SORCS2: variants seen among roughly 807,000 people sequenced by gnomAD.
SORCS2 encodes VPS10 domain-containing receptor SorCS2.
In SORCS2, 100 loss-of-function variants were observed where a neutral mutation model predicts 141.6. The ratio of observed to expected loss-of-function variants is 0.71; its 90% CI spans 0.60 to 0.83. The LOEUF is 0.83. Among genes scored for constraint, SORCS2 ranks in the 40% least tolerant of loss-of-function variants. SORCS2 has a pLI of 0.00. For synonymous variants in SORCS2, 789 were observed against 676.9 expected, an observed-to-expected ratio of 1.17 and a Z score of -2.57; for missense variants, 1,646 against 1,560.2, an observed-to-expected ratio of 1.05 and a Z score of -0.93.
At chr4:7,229,891 C>T (rs1184316695) in intron 1 of SORCS2, among the ~76,000 whole-genome samples, 2 of 147,766 alleles carry the variant, frequency 1.4e-5, no homozygotes, top group East Asian at 2.0e-4. Context: ...GTGGTGTGCT[C>T]ATGTATGAAG....
At chr4:7,311,170 C>T (rs1402082299) in intron 1 of SORCS2, among the ~76,000 whole-genome samples, 1 of 152,144 alleles carries the variant, frequency 6.6e-6, no homozygotes, top group African/African-American at 2.4e-5. Context: ...AGAATTTCGT[C>T]TCTGCAGTAT....
At chr4:7,670,942 T>C (rs1051476713) in intron 8 of SORCS2, among the ~76,000 whole-genome samples, 7 of 152,156 alleles carry the variant, frequency 4.6e-5, no homozygotes, top group African/African-American at 1.2e-4. Context: ...CCACCATGAG[T>C]TGAAACAGCT....
intron 1 of SORCS2, among the ~76,000 whole-genome samples, chr4:7,328,018 C>CTTTTTTTT (rs60976971): frequency 3.4e-5 from 3 of 88,744 alleles, no homozygotes; most frequent in African/African-American, 8.3e-5. Flanking sequence ...TCGTGCTAGG[C>CTTTTTTTT]TTTTTTTTTT....
chr4:7,593,468 T>C (rs1013053901), intron 3 of SORCS2, among the ~76,000 whole-genome samples: 3 of 152,148 alleles, frequency 2.0e-5, no homozygotes, highest in African/African-American at 7.2e-5. Context: ...GGACTGTCCA[T>C]CTAGCAAGGG....
intron 10 of SORCS2, among the ~76,000 whole-genome samples, chr4:7,687,538 G>A (rs755917337): frequency 3.3e-5 from 5 of 152,126 alleles, no homozygotes; most frequent in African/African-American, 7.2e-5. Flanking sequence ...TGGCTCTCCA[G>A]GGGTGACACA....
Position 7,729,642 on chromosome 4 carries a change from C to T in SORCS2, c.3038C>T (p.Thr1013Ile). ...ACTGTGGTGAAGCCGGGGCTGCCCA[C>T]TTTGGCCGATCTGTACGTGCTCCTG... is the stretch of plus-strand genomic sequence containing the variant. ...LVTVVKPGLP[T>I]LADLYVLLPP... The change falls in exon 23 of 27, where the codon ACT becomes ATT. Residue 1013 changes from threonine (T) to isoleucine (I), a missense_variant. Thr to Ile is a moderately conservative substitution (Grantham distance 89). Transcript: ENST00000507866. The T allele has an allele frequency of 1.2e-6, 2 of 1,601,652 alleles. No homozygotes were observed. Among genetic ancestry groups the T allele is most frequent in the Non-Finnish European group, 8.5e-7 (1 of 1,174,350 alleles).
intron 3 of SORCS2, among the ~76,000 whole-genome samples, chr4:7,634,495 AAC>A (rs1720108557): frequency 6.6e-6 from 1 of 152,236 alleles, no homozygotes; most frequent in African/African-American, 2.4e-5. Flanking sequence ...AAAATATCAG[AAC>A]AGTCTCCAAT....
At chr4:7,712,596 C>A in intron 14 of SORCS2, 137 bp from the exon 15 acceptor site, 1 of 1,320,876 alleles carries the variant, frequency 7.6e-7, no homozygotes, top group Admixed American at 1.9e-5. Context: ...TCGCTCTGAT[C>A]TCCAGCAAGG....
At position 7,714,330 on chromosome 4, in the gene SORCS2, C is replaced by G. The variant is rs1451076880; in HGVS notation, c.2080C>G (p.Leu694Val). The change falls in exon 16 of 27, where the codon CTC becomes GTC. Residue 694 changes from leucine (L) to valine (V), a missense_variant. Coordinates refer to ENST00000507866, the MANE Select transcript of SORCS2 (RefSeq NM_020777.3). ...CAAGGGGAGGAGCTTCACGTCGGCG[C>G]TCACGTCCCGCGTGTGCGAGTGCCG... ...CIKGRSFTSA[L>V]TSRVCECRDS... The G allele has an allele frequency of 3.8e-6, 6 of 1,577,986 alleles. No individual in the cohort carries two copies. The East Asian group carries it at 1.4e-4, about 37-fold the overall frequency.
intron 1 of SORCS2, among the ~76,000 whole-genome samples, chr4:7,288,666 A>G (rs1465217631): frequency 6.6e-6 from 1 of 151,790 alleles, no homozygotes; most frequent in Non-Finnish European, 1.5e-5. Context: ...TTCCAAGGCC[A>G]CAGTCCTATT....
At chr4:7,597,181 G>T (rs754095941) in intron 3 of SORCS2, among the ~76,000 whole-genome samples, 5 of 150,918 alleles carry the variant, frequency 3.3e-5, no homozygotes, top group Non-Finnish European at 7.4e-5. Context: ...GTAGGGGAGG[G>T]GCTATTACAA....
chr4:7,417,209 G>A (rs569160644), intron 2 of SORCS2, among the ~76,000 whole-genome samples: 49 of 152,308 alleles, frequency 3.2e-4, no homozygotes, highest in African/African-American at 1.0e-3. Context: ...GCCGGCGGCC[G>A]AGTGGCATGA....
chr4:7,622,820 T>G (rs944589474), intron 3 of SORCS2, among the ~76,000 whole-genome samples: 1 of 152,096 alleles, frequency 6.6e-6, no homozygotes, highest in Non-Finnish European at 1.5e-5. Context: ...CCGAGAACCT[T>G]AATTAAATCA....
chr4:7,434,235 G>A (rs781713349), intron 2 of SORCS2: 60 of 1,613,492 alleles, frequency 3.7e-5, no homozygotes, highest in Non-Finnish European at 5.0e-5. Context: ...CAGGCCCCAA[G>A]GACTCACACT....
intron 1 of SORCS2, among the ~76,000 whole-genome samples, chr4:7,303,113 G>A (rs1717553044): frequency 6.6e-6 from 1 of 152,158 alleles, no homozygotes; most frequent in Admixed American, 6.5e-5. Flanking sequence ...GTAATAAAAA[G>A]CAAACCTAAT....
chr4:7,293,085 A>C (rs924669163), intron 1 of SORCS2, among the ~76,000 whole-genome samples: 1 of 152,058 alleles, frequency 6.6e-6, no homozygotes, highest in Non-Finnish European at 1.5e-5. Flanking sequence ...CGGGCGGATC[A>C]TGAGGTCAGG....
At chr4:7,504,653 T>C (rs1238179447) in intron 2 of SORCS2, among the ~76,000 whole-genome samples, 1 of 152,142 alleles carries the variant, frequency 6.6e-6, no homozygotes, top group Admixed American at 6.5e-5. Flanking sequence ...CAGAGCCACA[T>C]TTAGGAGGGC....
chr4:7,655,220 C>T (rs1025652702), intron 5 of SORCS2, among the ~76,000 whole-genome samples: 19 of 152,118 alleles, frequency 1.2e-4, no homozygotes, highest in Non-Finnish European at 2.8e-4. Flanking sequence ...CACACACACA[C>T]ACACACAGTG....
chr4:7,419,203 A>T (rs1031612760), intron 2 of SORCS2, among the ~76,000 whole-genome samples: 3 of 152,200 alleles, frequency 2.0e-5, no homozygotes, highest in Admixed American at 1.3e-4. Flanking sequence ...TTTGGTTTGG[A>T]GAAGAGAAGG....
Sources: allele counts gnomAD v4.1 joint callset (sites outside exome capture counted in the v4.1 genomes callset), GRCh38; gene constraint gnomAD v4.1.1; transcripts MANE v1.5; gene names NCBI Gene and HGNC (gene_info 2026-07-23, HGNC 2026-07-21).